Variants in CSMD1 observed in about 807,000 individuals in gnomAD.
CSMD1 encodes CUB and Sushi multiple domains 1.
In CSMD1, 213 loss-of-function variants were observed where a neutral mutation model predicts 417.5. The observed-to-expected ratio is 0.51, with a 90% confidence interval of 0.46 to 0.57. The LOEUF is 0.57. CSMD1 is among the 20% of genes least tolerant of loss of function. The pLI is 0.00. For synonymous variants in CSMD1, 2,862 were observed against 1,736.8 expected (o/e 1.65, Z -16.11); for missense variants, 6,923 against 4,529.7 (o/e 1.53, Z -15.17).
Position 4,707,179 on chromosome 8 carries a change from G to T in CSMD1, c.86-69621C>A, listed in dbSNP as rs554311261. ...AATAAAATAATAACTTCCTCTTATT[G>T]AATAGTTATTGCACTCTAGACACTG... On this transcript the variant is annotated intron_variant, in intron 1 of 69. Transcript: ENST00000635120. 2.0e-5 allele frequency among the ~76,000 whole-genome samples: 3 copies of T among 152,300 alleles called. No individual in the cohort carries two copies. In the South Asian group the frequency reaches 6.2e-4, roughly 32 times the overall value.
chr8:3,720,050 G>A (rs1465267279), intron 6 of CSMD1, among the ~76,000 whole-genome samples: 1 of 152,178 alleles, frequency 6.6e-6, no homozygotes, highest in Non-Finnish European at 1.5e-5. Flanking sequence ...GTTACACAAA[G>A]TGCATGGAAA....
chr8:4,126,289 G>A (rs1802759973), intron 3 of CSMD1, among the ~76,000 whole-genome samples: 1 of 152,146 alleles, frequency 6.6e-6, no homozygotes, highest in Admixed American at 6.5e-5. Flanking sequence ...TTTCTTCATA[G>A]CAATGTCCCT....
At chr8:4,433,652 C>G (rs191985728) in intron 2 of CSMD1, among the ~76,000 whole-genome samples, 1 of 152,164 alleles carries the variant, frequency 6.6e-6, no homozygotes, top group Non-Finnish European at 1.5e-5. Flanking sequence ...CTGCCCTTGT[C>G]TGAAAGAGCT....
At chr8:3,046,009 G>A (rs1047870514) in intron 50 of CSMD1, among the ~76,000 whole-genome samples, 1 of 152,162 alleles carries the variant, frequency 6.6e-6, no homozygotes, top group Non-Finnish European at 1.5e-5. Flanking sequence ...CACACGATGT[G>A]GGTGGGGCTC....
chr8:3,677,240 G>C (rs925336595), intron 7 of CSMD1, among the ~76,000 whole-genome samples: 1 of 152,142 alleles, frequency 6.6e-6, no homozygotes, highest in Admixed American at 6.5e-5. Flanking sequence ...AAAAGTCCAA[G>C]ATTAATAGCA....
chr8:3,219,178 T>C (rs1798059184), intron 29 of CSMD1, 77 bp downstream of exon 29: 5 of 1,184,134 alleles, frequency 4.2e-6, no homozygotes, highest in South Asian at 2.7e-5. Context: ...ACAAGCAAGA[T>C]GTTACAAAGC....
chr8:4,534,924 G>A (rs545959699), intron 2 of CSMD1, among the ~76,000 whole-genome samples: 46 of 152,124 alleles, frequency 3.0e-4, no homozygotes, highest in Admixed American at 1.8e-3. Flanking sequence ...CACCACGCCC[G>A]GCTTATTTCT....
chr8:4,822,215 G>T (rs567009515), intron 1 of CSMD1, among the ~76,000 whole-genome samples: 6 of 152,184 alleles, frequency 3.9e-5, no homozygotes, highest in Non-Finnish European at 7.4e-5. Flanking sequence ...GTGATTCGTG[G>T]GGGTTTGCAA....
intron 5 of CSMD1, among the ~76,000 whole-genome samples, chr8:3,984,726 T>TC (rs1228530094): frequency 1.2e-5 from 1 of 80,842 alleles, no homozygotes; most frequent in South Asian, 4.7e-4. Context: ...TATATATATA[T>TC]ATATATATAT....
chr8:3,814,132 C>T (rs1342060266), intron 5 of CSMD1, among the ~76,000 whole-genome samples: 2 of 152,166 alleles, frequency 1.3e-5, no homozygotes, highest in African/African-American at 4.8e-5. Context: ...AATAACGTAC[C>T]AGCTCAGCCC....
rs1012029040 is a variant in CSMD1 at position 3,540,699 on chromosome 8, C to G, written c.1344+34246G>C. On this transcript the variant is annotated intron_variant, in intron 10 of 69. Coordinates refer to ENST00000635120, the MANE Select transcript of CSMD1 (RefSeq NM_033225.6). Reference sequence around the variant, plus strand: ...ACAAATTTACAAGAAAAAAAACAAACAATCCCATTAAAAAGTGAGCAAAAG... The same window carrying G: ...ACAAATTTACAAGAAAAAAAACAAAGAATCCCATTAAAAAGTGAGCAAAAG... Among the ~76,000 whole-genome samples the G allele has an allele frequency of 2.0e-5, 3 of 152,010 alleles. No homozygotes were observed. The East Asian group carries it at 5.8e-4, about 29-fold the overall frequency.
At chr8:3,240,429 GTT>G (rs1426730786) in intron 26 of CSMD1, among the ~76,000 whole-genome samples, 12 of 19,656 alleles carry the variant, frequency 6.1e-4, no homozygotes, top group Non-Finnish European at 2.2e-3. Flanking sequence ...AAGGAAAGGA[GTT>G]GTTGTTTTAT....
intron 5 of CSMD1, among the ~76,000 whole-genome samples, chr8:3,790,117 T>G (rs774960834): frequency 6.6e-6 from 1 of 152,242 alleles, no homozygotes; most frequent in Non-Finnish European, 1.5e-5. Flanking sequence ...TAGCTGCTTA[T>G]AGTTATTTTC....
At chr8:4,377,158 A>G (rs11136738) in intron 3 of CSMD1, among the ~76,000 whole-genome samples, 59,722 of 152,058 alleles carry the variant, frequency 0.39, 12,494 homozygotes, top group Non-Finnish European at 0.47. Flanking sequence ...TGTTTTAAAC[A>G]GTGGGATTAT....
chr8:4,398,721 C>G (rs1227115542), intron 3 of CSMD1, among the ~76,000 whole-genome samples: 1 of 152,136 alleles, frequency 6.6e-6, no homozygotes, highest in African/African-American at 2.4e-5. Flanking sequence ...CTACAGCTTT[C>G]AAACAAATGC....
At chr8:3,808,448 A>G (rs538118181) in intron 5 of CSMD1, among the ~76,000 whole-genome samples, 1 of 152,250 alleles carries the variant, frequency 6.6e-6, no homozygotes, top group East Asian at 1.9e-4. Flanking sequence ...AGTCTTCAAA[A>G]GCTGTGTTTC....
chr8:4,799,820 G>C (rs1405650699), intron 1 of CSMD1, among the ~76,000 whole-genome samples: 2 of 151,908 alleles, frequency 1.3e-5, no homozygotes, highest in African/African-American at 4.8e-5. Context: ...AAAGAGATAA[G>C]TATTAGAATG....
rs117368760 is a variant in CSMD1 at position 4,937,757 on chromosome 8, A to T, written c.85+56575T>A. On this transcript the variant is annotated intron_variant, in intron 1 of 69. Coordinates refer to ENST00000635120, the MANE Select transcript of CSMD1 (RefSeq NM_033225.6). ...GTAAGATAAGTGTGATCTGATCTAG[A>T]GAGAAGTTTCTCACACAGTGGCGCG... Among the ~76,000 whole-genome samples the T allele has an allele frequency of 2.5e-4, 38 of 151,626 alleles. No individual in the cohort carries two copies. The East Asian group carries it at 6.9e-3, about 27-fold the overall frequency.
At chr8:3,306,925 C>T (rs897979121) in intron 25 of CSMD1, among the ~76,000 whole-genome samples, 1 of 151,784 alleles carries the variant, frequency 6.6e-6, no homozygotes, top group African/African-American at 2.4e-5. Context: ...TGGAATAGAA[C>T]ACTTTTTGTT....
Sources: allele counts gnomAD v4.1 joint callset (sites outside exome capture counted in the v4.1 genomes callset), GRCh38; gene constraint gnomAD v4.1.1; transcripts MANE v1.5; gene names NCBI Gene and HGNC (gene_info 2026-07-23, HGNC 2026-07-21).